The following COL1A1 variants were observed in gnomAD, a reference collection of about 807,000 sequenced individuals.
COL1A1 encodes the protein collagen type I alpha 1 chain.
COL1A1 carries 21 observed loss-of-function variants against 195.7 expected under a neutral mutation model. The observed-to-expected ratio is 0.11, with a 90% CI of 0.08 to 0.15. The LOEUF (loss-of-function observed/expected upper bound fraction) is 0.15, where lower values mean the gene tolerates loss of function less well. COL1A1 is among the 10% of genes least tolerant of loss of function. COL1A1 has a pLI of 1.00. For synonymous variants in COL1A1, 749 were observed against 747.3 expected, an observed-to-expected ratio of 1.00 and a Z score of -0.04; for missense variants, 1,365 against 2,051.0, an observed-to-expected ratio of 0.67 and a Z score of 6.46.
Position 50,184,458 on chromosome 17 carries a change from T to G in COL1A1, c.*1044A>C, listed in dbSNP as rs1598282188. The G allele has an allele frequency of 5.4e-6, 1 of 185,988 alleles. No individual in the cohort carries two copies. Among genetic ancestry groups the G allele is most frequent in the African/African-American group, 3.1e-5 (1 of 32,766 alleles). The allele number at this position is 185,988 out of a possible 1,614,324, so 11.5% of individuals were successfully genotyped here. A position where few individuals can be genotyped will look rare whatever the true frequency, so the allele number is the denominator to read the frequency against. ...TGTTAAATAGCACCTTTAGAAAAAT[T>G]CACAAGTCCCCATCCACAAAAAAAA... On this transcript the variant is annotated 3_prime_UTR_variant, in exon 51 of 51. Coordinates refer to ENST00000225964, the MANE Select transcript of COL1A1 (RefSeq NM_000088.4).
In COL1A1 at chr17:50,184,226, T is replaced by A. The variant is rs1906253897; in HGVS notation, c.*1276A>T. 1 of 230,208 alleles carries A rather than the reference T, an allele frequency of 4.3e-6. No homozygotes were observed. The highest frequency in any genetic ancestry group is 5.7e-5 in the Admixed American group (1 of 17,674). 14.3% of individuals were successfully genotyped at this position (230,208 alleles called of 1,614,324 possible). ...TCCCACCCCTAGGGGGAAAAACTGC[T>A]TTGTGCTTTGGGAAGTTGTCTCTGA... is the stretch of plus-strand genomic sequence containing the variant. On this transcript the variant is annotated 3_prime_UTR_variant, in exon 51 of 51. Transcript: ENST00000225964.
Position 50,188,102 on chromosome 17 carries a change from G to C in COL1A1, c.3255C>G (p.Gly1085=), listed in dbSNP as rs369670483. The C allele has an allele frequency of 1.9e-6, 3 of 1,592,338 alleles. No homozygotes were observed. The change falls in exon 44 of 51, where the codon GGC becomes GGG. Residue 1085 remains glycine (G), a synonymous_variant. Coordinates refer to ENST00000225964, the MANE Select transcript of COL1A1 (RefSeq NM_000088.4). This position sits in a 1 kb window ranked among gnomAD's most constrained non-coding sequence, Gnocchi z 5.6. The part of the protein sequence containing the change: ...AGPVGPVGAR[G]PAGPQGPRGD... ...GACACAGCAGGGTACTTACGGCGGG[G>C]CCACGGGCGCCAACAGGGCCGACAG...
rs66592376 is a variant in COL1A1 at position 50,192,029 on chromosome 17, G to T, written c.1984-5C>A. On this transcript the variant is annotated splice_polypyrimidine_tract_variant and splice_region_variant and intron_variant, in intron 29 of 50. Transcript: ENST00000225964. The stretch of plus-strand genomic sequence containing the variant: ...GCCAAGGTCTCCAGGAACACCCTGA[G>T]GGGGAGGGAGAGAGGAACAGACAGT... 6,321 of 1,612,032 alleles carry T rather than the reference G, an allele frequency of 3.9e-3. 19 individuals are homozygous for T. The highest frequency in any genetic ancestry group is 4.8e-3 in the Non-Finnish European group (5,673 of 1,179,362).
At chr17:50,187,754 C>T in intron 45 of COL1A1, 122 bp downstream of exon 45, 1 of 1,062,330 alleles carries the variant, frequency 9.4e-7, no homozygotes, top group Non-Finnish European at 1.4e-6. Flanking sequence ...CACAAATCTT[C>T]AGACCCCAGT....
Position 50,187,051 on chromosome 17 carries a change from A to C in COL1A1, c.3495T>G (p.Pro1165=), listed in dbSNP as rs139996062. 5 of 1,613,752 alleles carry C rather than the reference A, an allele frequency of 3.1e-6. No individual in the cohort carries two copies. In the African/African-American group the frequency reaches 5.3e-5, roughly 17 times the overall value. ...LNGLPGPIGP[P]GPRGRTGDAG... Reference sequence around the variant, plus strand: ...CATCACCAGTGCGACCGCGAGGACCAGGGGGCCCAATGGGGCCAGGGAGAC... The same window carrying C: ...CATCACCAGTGCGACCGCGAGGACCCGGGGGCCCAATGGGGCCAGGGAGAC... The change falls in exon 47 of 51, where the codon CCT becomes CCG. Residue 1165 remains proline, a synonymous_variant. Coordinates refer to ENST00000225964, the MANE Select transcript of COL1A1 (RefSeq NM_000088.4).
chr17:50,187,738 C>T, intron 45 of COL1A1, 138 bp downstream of exon 45: 1 of 968,650 alleles, frequency 1.0e-6, no homozygotes, highest in East Asian at 2.5e-5. Context: ...GCTACTTGGA[C>T]ATGCCCACAA....
In COL1A1 at chr17:50,186,021, C is replaced by CTG; in HGVS notation, c.4006-3_4006-2dup. 1 of 1,612,926 alleles carries CTG rather than the reference C, an allele frequency of 6.2e-7. No individual in the cohort carries two copies. Among genetic ancestry groups the CTG allele is most frequent in the Non-Finnish European group, 8.5e-7 (1 of 1,179,980 alleles). ...CGGAGCCCTGGCCGCCATACTCGAA[C>CTG]TGCAGGGGAGGGGAGAGAGGGAAGA... is the stretch of plus-strand genomic sequence containing the variant. On this transcript the variant is annotated splice_acceptor_variant, in intron 49 of 50. Transcript: ENST00000225964. LOFTEE classifies it high-confidence loss of function. The surrounding 1 kb of genome is among the most constrained non-coding windows in gnomAD (Gnocchi z 5.3).
chr17:50,190,139 G>A lies in COL1A1; in HGVS notation c.2452-31C>T, dbSNP rs1302340311. 1.9e-6 allele frequency: 3 copies of A among 1,587,556 alleles called. No homozygotes were observed. Among genetic ancestry groups the A allele is most frequent in the East Asian group, 2.2e-5 (1 of 44,750 alleles). On this transcript the variant is annotated intron_variant, in intron 35 of 50. Coordinates refer to ENST00000225964, the MANE Select transcript of COL1A1 (RefSeq NM_000088.4). The surrounding 1 kb of genome is among the most constrained non-coding windows in gnomAD (Gnocchi z 4.7). ...GGAGGAAGCAGGGCGGTGAATGGAG[G>A]GAAGGAGGCAGGAGTTTCCACTACC...
chr17:50,196,690 G>GAAGGTAAGAA lies in COL1A1; in HGVS notation c.805-30_805-21dup. The GAAGGTAAGAA allele has an allele frequency of 6.2e-7, 1 of 1,614,092 alleles. No homozygotes were observed. The highest frequency in any genetic ancestry group is 8.5e-7 in the Non-Finnish European group (1 of 1,179,912). ...GAAACCCTAAAGCAGGAAAGAGGTA[G>GAAGGTAAGAA]AAGGTAAGAACCTGTGGAGGGGGTG... On this transcript the variant is annotated intron_variant, in intron 11 of 50. Coordinates refer to ENST00000225964, the MANE Select transcript of COL1A1 (RefSeq NM_000088.4).
In COL1A1 at chr17:50,185,557, A is replaced by G. The variant is rs972891143; in HGVS notation, c.4340T>C (p.Val1447Ala). ...GCCGAATTCCTGGTCTGGGGCACCA[A>G]CGTCCAAGGGGGCCACATCGATGAT... ...LPIIDVAPLD[V>A]GAPDQEFGFD... The change falls in exon 51 of 51, where the codon GTT becomes GCT. Residue 1447 changes from valine (V) to alanine (A), a missense_variant. By Grantham distance (64) the Val-to-Ala change is moderately conservative (BLOSUM62 0). Coordinates refer to ENST00000225964, the MANE Select transcript of COL1A1 (RefSeq NM_000088.4). The G allele has an allele frequency of 3.7e-6, 6 of 1,613,292 alleles. No individual in the cohort carries two copies. Among genetic ancestry groups the G allele is most frequent in the Non-Finnish European group, 5.1e-6 (6 of 1,179,914 alleles).
rs200111312 is a variant in COL1A1, at chr17:50,190,886, G to A, written c.2274C>T (p.Gly758=). ...CAGTCAGACCACGGACGCCATCTTT[G>A]CCAGGAGAGCCATCAGCACCTTTGG... ...AGPKGADGSP[G]KDGVRGLTGP... is the part of the protein sequence containing the mutation. Residue 758 remains glycine (G), a synonymous_variant, in exon 33 of 51, where the codon GGC becomes GGT. Coordinates refer to ENST00000225964, the MANE Select transcript of COL1A1 (RefSeq NM_000088.4). This position sits in a 1 kb window ranked among gnomAD's most constrained non-coding sequence, Gnocchi z 4.7. 3.0e-5 allele frequency: 49 copies of A among 1,613,872 alleles called. No individual in the cohort carries two copies. In the East Asian group the frequency reaches 4.9e-4, roughly 16 times the overall value.
chr17:50,192,909 G>A lies in COL1A1; in HGVS notation c.1822-59C>T, dbSNP rs368850805. Reference sequence around the variant, plus strand: ...AGGAGGCCCCGAGCAGCTGAGGACCGTGGCCTCTAGCACCCCTCCTGCAGG... The same window carrying A: ...AGGAGGCCCCGAGCAGCTGAGGACCATGGCCTCTAGCACCCCTCCTGCAGG... On this transcript the variant is annotated intron_variant, in intron 26 of 50. Coordinates refer to ENST00000225964, the MANE Select transcript of COL1A1 (RefSeq NM_000088.4). The A allele has an allele frequency of 5.1e-5, 83 of 1,612,196 alleles. No homozygotes were observed. In the African/African-American group the frequency reaches 6.0e-4, roughly 12 times the overall value.
chr17:50,195,770 G>T lies in COL1A1; in HGVS notation c.1057-105C>A. The T allele has an allele frequency of 2.2e-6, 3 of 1,363,804 alleles. No homozygotes were observed. Among genetic ancestry groups the T allele is most frequent in the Non-Finnish European group, 3.1e-6 (3 of 972,634 alleles). 84.5% of individuals were successfully genotyped at this position (1,363,804 alleles called of 1,614,324 possible). On this transcript the variant is annotated intron_variant, in intron 16 of 50. Coordinates refer to ENST00000225964, the MANE Select transcript of COL1A1 (RefSeq NM_000088.4). This position sits in a 1 kb window ranked among gnomAD's most constrained non-coding sequence, Gnocchi z 4.3. Reference sequence around the variant, plus strand: ...GACAGGGACAGGAGAGCAATGATCAGGACTCTAAGATCAGAGACGGAGAAC... The same window carrying T: ...GACAGGGACAGGAGAGCAATGATCATGACTCTAAGATCAGAGACGGAGAAC...
chr17:50,201,326 C>T, intron 1 of COL1A1, 85 bp downstream of exon 1: 1 of 1,210,144 alleles, frequency 8.3e-7, no homozygotes. Flanking sequence ...GGATCATCCA[C>T]GTCTCGTTTT....
In COL1A1 at chr17:50,195,011, G is replaced by A. The variant is rs762495350; in HGVS notation, c.1353+36C>T. The A allele has an allele frequency of 1.0e-5, 16 of 1,607,092 alleles. No homozygotes were observed. The African/African-American group carries it at 1.6e-4, about 16-fold the overall frequency. ...CCTCAGGGGGCTCCTAGGGCAGGGT[G>A]GGCTGGGCTGCAAGAAGGATGGCGG... On this transcript the variant is annotated intron_variant, in intron 20 of 50. Transcript: ENST00000225964. This position sits in a 1 kb window ranked among gnomAD's most constrained non-coding sequence, Gnocchi z 4.3.
rs373036181 is a variant in COL1A1, at chr17:50,186,977, T to C, written c.3531+38A>G. ...ACCGGCATCCAAGTGCTTTGGGGGCTGGAGGGCCATGAGCAGAGGGGATGA... is the reference window on the plus strand; with the variant it reads ...ACCGGCATCCAAGTGCTTTGGGGGCCGGAGGGCCATGAGCAGAGGGGATGA... On this transcript the variant is annotated intron_variant, in intron 47 of 50. Coordinates refer to ENST00000225964, the MANE Select transcript of COL1A1 (RefSeq NM_000088.4). This position sits in a 1 kb window ranked among gnomAD's most constrained non-coding sequence, Gnocchi z 5.3. 1.2e-6 allele frequency: 2 copies of C among 1,610,654 alleles called. No homozygotes were observed. The highest frequency in any genetic ancestry group is 2.2e-5 in the South Asian group (2 of 90,986).
rs72651623 is a variant in COL1A1, at chr17:50,192,694, C to T, written c.1876-1G>A. The T allele has an allele frequency of 6.2e-7, 1 of 1,614,224 alleles. No individual in the cohort carries two copies. Among genetic ancestry groups the T allele is most frequent in the Non-Finnish European group, 8.5e-7 (1 of 1,180,042 alleles). On this transcript the variant is annotated splice_acceptor_variant, in intron 27 of 50. Coordinates refer to ENST00000225964, the MANE Select transcript of COL1A1 (RefSeq NM_000088.4). LOFTEE classifies it high-confidence loss of function. ...GTTCACCTCTCTCGCCAGCGGGACC[C>T]TGCACAGAGAGAACACTACAGTCAC...
rs68114505 is a variant in COL1A1, at chr17:50,191,814, C to T, written c.2101G>A (p.Gly701Ser). 6.3e-7 allele frequency: 1 copy of T among 1,596,882 alleles called. No individual in the cohort carries two copies. The highest frequency in any genetic ancestry group is 8.5e-7 in the Non-Finnish European group (1 of 1,171,012). ...PGPAGPRGANGAPGNDGAKGD... is the reference protein window; with the variant it reads ...PGPAGPRGANSAPGNDGAKGD... ...TTAGCACCATCGTTGCCGGGAGCAC[C>T]GTTGGCCCCTCGGGGACCAGCAGGA... The change falls in exon 31 of 51, where the codon GGT (glycine) becomes AGT (serine). Residue 701 changes from glycine (G) to serine (S), a missense_variant. Physicochemically the swap from Gly to Ser is moderately conservative, Grantham distance 56. Transcript: ENST00000225964.
rs1906886577 is a variant in COL1A1 at position 50,189,614 on chromosome 17, T to C, written c.2667+65A>G. The stretch of plus-strand genomic sequence containing the variant: ...ATTGGGTCCTCAGTCAGCCCCACCA[T>C]CCTTCTGGCAGCCCCCACCCAGCAC... On this transcript the variant is annotated intron_variant, in intron 38 of 50. Coordinates refer to ENST00000225964, the MANE Select transcript of COL1A1 (RefSeq NM_000088.4). This position sits in a 1 kb window ranked among gnomAD's most constrained non-coding sequence, Gnocchi z 5.5. The C allele has an allele frequency of 2.5e-6, 4 of 1,612,030 alleles. No individual in the cohort carries two copies. In the South Asian group the frequency reaches 3.3e-5, roughly 13 times the overall value.
Sources: allele counts gnomAD v4.1 joint callset, GRCh38; gene constraint gnomAD v4.1.1; non-coding constraint Gnocchi (gnomAD v3.1); transcripts MANE v1.5; gene names NCBI Gene and HGNC (gene_info 2026-07-23, HGNC 2026-07-21).